BRINP1: variants seen among roughly 807,000 people sequenced by gnomAD.
The protein encoded by BRINP1 is BMP/retinoic acid inducible neural specific 1, also known as BMP/retinoic acid-inducible neural-specific protein 1.
Under a neutral mutation model 72.9 loss-of-function variants are expected in BRINP1, and 17 were observed. The ratio of observed to expected loss-of-function variants is 0.23; its 90% CI spans 0.16 to 0.35. The LOEUF (loss-of-function observed/expected upper bound fraction) is 0.35, where lower values mean the gene tolerates loss of function less well. BRINP1 is among the 10% of genes least tolerant of loss of function. The pLI is 1.00. For missense variants in BRINP1, 850 were observed against 1,001.6 expected (o/e 0.85, Z 2.04); for synonymous variants, 418 against 378.5 (o/e 1.10, Z -1.21).
intron 1 of BRINP1, among the ~76,000 whole-genome samples, chr9:119,361,627 T>G (rs1564258088): frequency 6.6e-6 from 1 of 151,968 alleles, no homozygotes; most frequent in Non-Finnish European, 1.5e-5. Flanking sequence ...CTTCTTTTTT[T>G]TGTTTTTTTT....
intron 1 of BRINP1, among the ~76,000 whole-genome samples, chr9:119,364,318 T>C (rs994545509): frequency 6.6e-6 from 1 of 152,194 alleles, no homozygotes; most frequent in African/African-American, 2.4e-5. Context: ...TCTTCAAATA[T>C]GACATAGGCT....
intron 7 of BRINP1, among the ~76,000 whole-genome samples, chr9:119,204,811 G>A (rs1238959828): frequency 6.6e-6 from 1 of 152,196 alleles, no homozygotes; most frequent in Non-Finnish European, 1.5e-5. Context: ...ATAAAGCTCT[G>A]TGTCTGGTAA....
chr9:119,175,520 TA>T (rs956251402), intron 7 of BRINP1, among the ~76,000 whole-genome samples: 15 of 149,468 alleles, frequency 1.0e-4, no homozygotes, highest in East Asian at 7.8e-4. Flanking sequence ...TAGAGTATAA[TA>T]AAAAAAAGGG....
At chr9:119,312,678 A>G (rs529767699) in intron 2 of BRINP1, among the ~76,000 whole-genome samples, 1 of 152,312 alleles carries the variant, frequency 6.6e-6, no homozygotes, top group East Asian at 1.9e-4. Context: ...CAGCATTCTC[A>G]AAACAACGTT....
chr9:119,289,917 T>G (rs1326757533), intron 2 of BRINP1, among the ~76,000 whole-genome samples: 1 of 152,198 alleles, frequency 6.6e-6, no homozygotes, highest in African/African-American at 2.4e-5. Context: ...ATCTCTTGAC[T>G]GGGCCAGTCT....
chr9:119,186,164 T>G (rs1347611289), intron 7 of BRINP1, among the ~76,000 whole-genome samples: 3 of 152,112 alleles, frequency 2.0e-5, no homozygotes, highest in African/African-American at 7.2e-5. Context: ...GAGCAGGCAG[T>G]CTGTCCCAGT....
chr9:119,334,442 C>T (rs902155399), intron 1 of BRINP1, among the ~76,000 whole-genome samples: 2 of 152,170 alleles, frequency 1.3e-5, no homozygotes, highest in African/African-American at 2.4e-5. Context: ...TCTCATGCTC[C>T]TCCCTAATCA....
chr9:119,288,077 G>A (rs903037914), intron 2 of BRINP1, among the ~76,000 whole-genome samples: 63 of 152,292 alleles, frequency 4.1e-4, no homozygotes, highest in African/African-American at 1.4e-3. Context: ...TGCCTTTGGA[G>A]GAAGGTTTAG....
intron 2 of BRINP1, among the ~76,000 whole-genome samples, chr9:119,273,353 C>T (rs1368653589): frequency 6.6e-6 from 1 of 152,052 alleles, no homozygotes; most frequent in Non-Finnish European, 1.5e-5. Context: ...TGAGTGTGAA[C>T]CCTGGGTGAT....
chr9:119,329,257 A>G (rs1265291778), intron 1 of BRINP1, among the ~76,000 whole-genome samples: 1 of 152,084 alleles, frequency 6.6e-6, no homozygotes, highest in East Asian at 1.9e-4. Context: ...AAAAGTTCTG[A>G]CCCTTGGCCT....
chr9:119,283,303 A>G, intron 2 of BRINP1: 1 of 489,850 alleles, frequency 2.0e-6, no homozygotes, highest in Non-Finnish European at 2.7e-6. Flanking sequence ...CCTGCCCCAG[A>G]CAGACCCAGT....
intron 1 of BRINP1, among the ~76,000 whole-genome samples, chr9:119,351,468 C>T (rs1200572062): frequency 6.6e-6 from 1 of 151,864 alleles, no homozygotes; most frequent in Non-Finnish European, 1.5e-5. Context: ...AAAGTCTTGG[C>T]AATACAAGCC....
intron 2 of BRINP1, among the ~76,000 whole-genome samples, chr9:119,289,046 C>T (rs886463970): frequency 8.5e-5 from 13 of 152,290 alleles, no homozygotes; most frequent in East Asian, 7.7e-4. Flanking sequence ...GTGATCCACC[C>T]GCCTCGGCCT....
At chr9:119,366,745 G>A (rs1831696668) in intron 1 of BRINP1, among the ~76,000 whole-genome samples, 1 of 151,864 alleles carries the variant, frequency 6.6e-6, no homozygotes. Flanking sequence ...CAGTCCTAGA[G>A]TGTATATTGC....
chr9:119,324,897 C>T (rs899045679), intron 1 of BRINP1, among the ~76,000 whole-genome samples: 2 of 152,052 alleles, frequency 1.3e-5, no homozygotes, highest in Admixed American at 1.3e-4. Context: ...GTTGGGAGCT[C>T]GAGACCAGCC....
At chr9:119,277,853 T>G (rs1195059198) in intron 2 of BRINP1, among the ~76,000 whole-genome samples, 1 of 152,180 alleles carries the variant, frequency 6.6e-6, no homozygotes, top group African/African-American at 2.4e-5. Context: ...CCATCCTATC[T>G]TCCACTCTAT....
At chr9:119,247,487 T>TG (rs1564227834) in intron 3 of BRINP1, among the ~76,000 whole-genome samples, 1 of 149,984 alleles carries the variant, frequency 6.7e-6, no homozygotes, top group Non-Finnish European at 1.5e-5. Context: ...CCGTCTCTAC[T>TG]AAAAAAAAAT....
chr9:119,262,997 C>T (rs1830512666), intron 2 of BRINP1, among the ~76,000 whole-genome samples: 1 of 152,084 alleles, frequency 6.6e-6, no homozygotes, highest in Non-Finnish European at 1.5e-5. Context: ...AATAACATTC[C>T]AATAAATATT....
At chr9:119,181,404 C>T (rs1829556207) in intron 7 of BRINP1, among the ~76,000 whole-genome samples, 1 of 152,086 alleles carries the variant, frequency 6.6e-6, no homozygotes, top group African/African-American at 2.4e-5. Flanking sequence ...CCCTATTTGA[C>T]CTTGGATATT....
Sources: gnomAD v4.1 joint callset for allele counts (sites outside exome capture counted in the v4.1 genomes callset) on GRCh38, gnomAD v4.1.1 for gene constraint, MANE v1.5 for transcripts, NCBI Gene and HGNC (gene_info 2026-07-23, HGNC 2026-07-21) for gene names.